SDK2: variants seen among roughly 807,000 people sequenced by gnomAD.
SDK2 encodes protein sidekick-2.
Under a neutral mutation model 253.9 loss-of-function variants are expected in SDK2, and 105 were observed. That is an observed-to-expected ratio of 0.41 (90% confidence interval 0.35 to 0.49). SDK2 has a LOEUF of 0.49. SDK2 is among the 20% of genes least tolerant of loss of function. The probability of loss-of-function intolerance (pLI) is 0.06; values close to 1 mark genes in which losing one functional copy is unlikely to be tolerated. For synonymous variants in SDK2, 1,249 were observed against 1,234.9 expected, an observed-to-expected ratio of 1.01 and a Z score of -0.24; for missense variants, 2,608 against 3,003.0, an observed-to-expected ratio of 0.87 and a Z score of 3.07.
In SDK2 at chr17:73,553,050, C is replaced by T. The variant is rs144276569; in HGVS notation, c.65-45453G>A. On this transcript the variant is annotated intron_variant, in intron 1 of 44. Transcript: ENST00000392650. ...GGTAGGGCAGACGGCTGCAGCGTCACGCTGCTTCTCTGGATGGATGAATGC... is the reference window on the plus strand; with the variant it reads ...GGTAGGGCAGACGGCTGCAGCGTCATGCTGCTTCTCTGGATGGATGAATGC... Among the ~76,000 whole-genome samples the T allele has an allele frequency of 5.4e-3, 828 of 152,334 alleles. 2 individuals are homozygous for T. The highest frequency in any genetic ancestry group is 0.019 in the African/African-American group (773 of 41,584).
At chr17:73,567,026 C>G (rs955313832) in intron 1 of SDK2, among the ~76,000 whole-genome samples, 1 of 151,922 alleles carries the variant, frequency 6.6e-6, no homozygotes, top group Non-Finnish European at 1.5e-5. Flanking sequence ...GAGTCAAGCA[C>G]GAATAACAAA....
In SDK2 at chr17:73,643,980, C is replaced by CAA; in HGVS notation, c.64+44_64+45insTT. 2 of 1,323,468 alleles carry CAA rather than the reference C, an allele frequency of 1.5e-6. No individual in the cohort carries two copies. The highest frequency in any genetic ancestry group is 2.1e-6 in the Non-Finnish European group (2 of 952,546). The allele number at this position is 1,323,468 out of a possible 1,614,324, so 82.0% of individuals were successfully genotyped here. A position where few individuals can be genotyped will look rare whatever the true frequency, so the allele number is the denominator to read the frequency against. On this transcript the variant is annotated intron_variant, in intron 1 of 44. Transcript: ENST00000392650. The surrounding 1 kb of genome is among the most constrained non-coding windows in gnomAD (Gnocchi z 6.9). ...GCTCCCGCCGCCCCTCCCCCGCCCACTCTCCCAGCCCCCTCCCTGTCCCCA... is the reference window on the plus strand; with the variant it reads ...GCTCCCGCCGCCCCTCCCCCGCCCACAATCTCCCAGCCCCCTCCCTGTCCCCA...
At chr17:73,506,210 G>A (rs953684699) in intron 2 of SDK2, among the ~76,000 whole-genome samples, 1 of 152,212 alleles carries the variant, frequency 6.6e-6, no homozygotes, top group African/African-American at 2.4e-5. Context: ...GTGCCAGGTG[G>A]TGGCCAGGAG....
rs1159859444 is a variant in SDK2 at position 73,365,407 on chromosome 17, A to G, written c.5168-12T>C. On this transcript the variant is annotated splice_polypyrimidine_tract_variant and intron_variant, in intron 37 of 44. Coordinates refer to ENST00000392650, the MANE Select transcript of SDK2 (RefSeq NM_001144952.2). ...GGGAGCGCTGGGGGCTGCGGGAGACAGCAAAGGGTTTTTGTTTCCTTCTTC... is the reference window on the plus strand; with the variant it reads ...GGGAGCGCTGGGGGCTGCGGGAGACGGCAAAGGGTTTTTGTTTCCTTCTTC... The G allele has an allele frequency of 2.5e-6, 4 of 1,594,674 alleles. No homozygotes were observed. In the East Asian group the frequency reaches 9.1e-5, roughly 36 times the overall value.
At chr17:73,436,249 C>T (rs542528186) in intron 8 of SDK2, among the ~76,000 whole-genome samples, 16 of 152,114 alleles carry the variant, frequency 1.1e-4, no homozygotes, top group South Asian at 4.2e-4. Context: ...GGCTCCTCTC[C>T]TCGCTCTCAG....
intron 2 of SDK2, among the ~76,000 whole-genome samples, chr17:73,506,603 G>A (rs2063937612): frequency 1.3e-5 from 2 of 152,212 alleles, no homozygotes; most frequent in African/African-American, 2.4e-5. Flanking sequence ...CATCCCCAGG[G>A]CAAGACAATC....
rs997262774 is a variant in SDK2 at position 73,467,828 on chromosome 17, T to C, written c.331+4284A>G. ...ATTATGGAGGAAACAGCTTCACACC[T>C]GCAAAGCCGTGCACAGTAGCAGATG... On this transcript the variant is annotated intron_variant, in intron 3 of 44. Coordinates refer to ENST00000392650, the MANE Select transcript of SDK2 (RefSeq NM_001144952.2). The surrounding 1 kb of genome is among the most constrained non-coding windows in gnomAD (Gnocchi z 4.1). 6.6e-6 allele frequency among the ~76,000 whole-genome samples: 1 copy of C among 152,202 alleles called. No homozygotes were observed. The highest frequency in any genetic ancestry group is 1.5e-5 in the Non-Finnish European group (1 of 68,030).
Position 73,380,959 on chromosome 17 carries a change from T to TTGGGGGG in SDK2, c.4706-10_4706-9insCCCCCCA. The TTGGGGGG allele has an allele frequency of 1.7e-6, 1 of 592,192 alleles. No individual in the cohort carries two copies. Among genetic ancestry groups the TTGGGGGG allele is most frequent in the Non-Finnish European group, 2.9e-6 (1 of 344,454 alleles). The allele number at this position is 592,192 out of a possible 1,614,324, so 36.7% of individuals were successfully genotyped here. On this transcript the variant is annotated splice_polypyrimidine_tract_variant and intron_variant, in intron 33 of 44. Coordinates refer to ENST00000392650, the MANE Select transcript of SDK2 (RefSeq NM_001144952.2). ...CCGCATGGAGTACATGGCTATGGGG[T>TTGGGGGG]GGGGGTGCCGGGGCGGGGGCGCAGA... is the stretch of plus-strand genomic sequence containing the variant.
rs1438960749 is a variant in SDK2 at position 73,412,189 on chromosome 17, TACAC to T, written c.2484+2451_2484+2454del. Among the ~76,000 whole-genome samples the T allele has an allele frequency of 7.4e-5, 11 of 148,734 alleles. No homozygotes were observed. In the East Asian group the frequency reaches 9.8e-4, roughly 13 times the overall value. ...ATATACACATATATGTATATGCACA[TACAC>T]ACATATACATATATGTATATGCATA... On this transcript the variant is annotated intron_variant, in intron 18 of 44. Coordinates refer to ENST00000392650, the MANE Select transcript of SDK2 (RefSeq NM_001144952.2).
At chr17:73,506,175 C>T (rs534714496) in intron 2 of SDK2, among the ~76,000 whole-genome samples, 3 of 152,230 alleles carry the variant, frequency 2.0e-5, no homozygotes, top group African/African-American at 7.2e-5. Context: ...GGGCCCTTCA[C>T]AGAGACGGTC....
chr17:73,334,645 G>A lies in SDK2; in HGVS notation c.*3942C>T, dbSNP rs1470214918. ...TGATTTTTGTTTCTGGAGTCTAGAT[G>A]GATGGAGAAAGGTAACACGTTTAAA... On this transcript the variant is annotated 3_prime_UTR_variant, in exon 45 of 45. Coordinates refer to ENST00000392650, the MANE Select transcript of SDK2 (RefSeq NM_001144952.2). 1.3e-5 allele frequency: 2 copies of A among 152,184 alleles called. No homozygotes were observed. The highest frequency in any genetic ancestry group is 1.3e-4 in the Admixed American group (2 of 15,278). 9.4% of individuals were successfully genotyped at this position (152,184 alleles called of 1,614,324 possible). A position where few individuals can be genotyped will look rare whatever the true frequency, so the allele number is the denominator to read the frequency against.
chr17:73,463,243 A>G lies in SDK2; in HGVS notation c.332-7190T>C, dbSNP rs111597094. 7.4e-3 allele frequency among the ~76,000 whole-genome samples: 1,125 copies of G among 152,342 alleles called. 7 individuals carry two copies. The highest frequency in any genetic ancestry group is 0.014 in the Middle Eastern group (4 of 294). On this transcript the variant is annotated intron_variant, in intron 3 of 44. Coordinates refer to ENST00000392650, the MANE Select transcript of SDK2 (RefSeq NM_001144952.2). Reference sequence around the variant, plus strand: ...ATTCCCAAGAAATTCCCCCAAGAGCAAAGAAGTGCAGGCCTGGGGCACAGT... The same window carrying G: ...ATTCCCAAGAAATTCCCCCAAGAGCGAAGAAGTGCAGGCCTGGGGCACAGT...
chr17:73,617,191 G>A (rs1336225303), intron 1 of SDK2, among the ~76,000 whole-genome samples: 1 of 147,646 alleles, frequency 6.8e-6, no homozygotes, highest in African/African-American at 2.5e-5. Context: ...TCCAGGGGAG[G>A]GGAGGGGCCT....
At chr17:73,385,512 C>G (rs1392928989) in intron 32 of SDK2, among the ~76,000 whole-genome samples, 1 of 152,166 alleles carries the variant, frequency 6.6e-6, no homozygotes, top group East Asian at 1.9e-4. Flanking sequence ...GCTAATACAC[C>G]TGGCCCTGCC....
Position 73,644,061 on chromosome 17 carries a change from G to A in SDK2, c.28C>T (p.Leu10=). MWGLLIWTL[L]ALHQIRAARA... ...GCCGCGCGGATCTGATGCAGAGCTAGCAGTGTCCAGATCAAAAGCCCCCAC... is the reference window on the plus strand; with the variant it reads ...GCCGCGCGGATCTGATGCAGAGCTAACAGTGTCCAGATCAAAAGCCCCCAC... The change falls in exon 1 of 45, where the codon CTA becomes TTA. Residue 10 remains leucine (L), a synonymous_variant. Transcript: ENST00000392650. The surrounding 1 kb of genome is among the most constrained non-coding windows in gnomAD (Gnocchi z 6.3). 1.9e-6 allele frequency: 3 copies of A among 1,550,158 alleles called. No homozygotes were observed. Among genetic ancestry groups the A allele is most frequent in the Non-Finnish European group, 2.6e-6 (3 of 1,146,184 alleles).
intron 1 of SDK2, among the ~76,000 whole-genome samples, chr17:73,515,236 T>C (rs1014783939): frequency 1.3e-5 from 2 of 152,198 alleles, no homozygotes; most frequent in African/African-American, 4.8e-5. Flanking sequence ...GATCTTTCTA[T>C]TATTAGCATA....
At chr17:73,584,385 G>A (rs2045576626) in intron 1 of SDK2, among the ~76,000 whole-genome samples, 1 of 152,186 alleles carries the variant, frequency 6.6e-6, no homozygotes, top group African/African-American at 2.4e-5. Flanking sequence ...CGGTAGAAAA[G>A]GGCTGGGTGA....
chr17:73,494,248 C>T (rs1479616972), intron 2 of SDK2, among the ~76,000 whole-genome samples: 1 of 152,224 alleles, frequency 6.6e-6, no homozygotes, highest in Admixed American at 6.5e-5. Flanking sequence ...CTGATGTGAA[C>T]TCATGCCATG....
intron 1 of SDK2, among the ~76,000 whole-genome samples, chr17:73,510,951 TC>T (rs2063975418): frequency 6.6e-6 from 1 of 152,144 alleles, no homozygotes; most frequent in Admixed American, 6.5e-5. Context: ...GCTGGTCCCT[TC>T]CAGGGGCACT....
Sources: gnomAD v4.1 joint callset for allele counts (sites outside exome capture counted in the v4.1 genomes callset) on GRCh38, gnomAD v4.1.1 for gene constraint, Gnocchi (gnomAD v3.1) non-coding constraint, MANE v1.5 for transcripts, NCBI Gene and HGNC (gene_info 2026-07-23, HGNC 2026-07-21) for gene names.